LRRC4C: variants seen among roughly 807,000 people sequenced by gnomAD.
LRRC4C encodes leucine rich repeat containing 4C.
LRRC4C carries 5 observed loss-of-function variants against 33.6 expected under a neutral mutation model. The observed-to-expected ratio is 0.15, with a 90% CI of 0.08 to 0.31. The LOEUF is 0.31. LRRC4C is among the 10% of genes least tolerant of loss of function. The probability of loss-of-function intolerance (pLI) is 1.00; values close to 1 mark genes in which losing one functional copy is unlikely to be tolerated. For missense variants in LRRC4C, 560 were observed against 796.7 expected, an observed-to-expected ratio of 0.70 and a Z score of 3.58; for synonymous variants, 329 against 302.0, an observed-to-expected ratio of 1.09 and a Z score of -0.93.
intron 3 of LRRC4C, among the ~76,000 whole-genome samples, chr11:40,466,575 AT>A (rs1165404264): frequency 1.3e-5 from 2 of 151,740 alleles, no homozygotes; most frequent in African/African-American, 4.8e-5. Flanking sequence ...TCTTATAGGA[AT>A]TTTTTTGTAT....
intron 2 of LRRC4C, among the ~76,000 whole-genome samples, chr11:40,888,821 C>T (rs1955575478): frequency 2.0e-5 from 3 of 151,936 alleles, no homozygotes; most frequent in Admixed American, 2.0e-4. Flanking sequence ...GAGGTAAATG[C>T]TTATGAAGTA....
chr11:41,223,893 C>T (rs1445583985), intron 1 of LRRC4C, among the ~76,000 whole-genome samples: 1 of 152,122 alleles, frequency 6.6e-6, no homozygotes, highest in Non-Finnish European at 1.5e-5. Context: ...TTAATCATGC[C>T]AGGGGAAGAG....
chr11:40,708,718 T>C (rs984021206), intron 2 of LRRC4C, among the ~76,000 whole-genome samples: 24 of 152,168 alleles, frequency 1.6e-4, no homozygotes, highest in Admixed American at 1.6e-3. Flanking sequence ...TAGATGTCTA[T>C]TAGGTCTGCT....
At chr11:40,557,422 A>G (rs1327110750) in intron 3 of LRRC4C, among the ~76,000 whole-genome samples, 1 of 152,210 alleles carries the variant, frequency 6.6e-6, no homozygotes, top group Non-Finnish European at 1.5e-5. Context: ...TGTATTAAGC[A>G]CACCAACACA....
At chr11:40,536,553 G>T (rs1055161365) in intron 3 of LRRC4C, among the ~76,000 whole-genome samples, 1 of 152,114 alleles carries the variant, frequency 6.6e-6, no homozygotes, top group Non-Finnish European at 1.5e-5. Flanking sequence ...ATCTGAGAAC[G>T]TCTATCCAAT....
At chr11:40,535,582 T>C (rs533607396) in intron 3 of LRRC4C, among the ~76,000 whole-genome samples, 2 of 152,376 alleles carry the variant, frequency 1.3e-5, no homozygotes, top group East Asian at 1.9e-4. Context: ...ACAAAGTTAT[T>C]TGAAAAGATT....
chr11:41,015,477 C>CA (rs1199750277), intron 1 of LRRC4C, among the ~76,000 whole-genome samples: 1 of 152,070 alleles, frequency 6.6e-6, no homozygotes, highest in Admixed American at 6.6e-5. Context: ...TATAGGCACA[C>CA]ACCAGTCTGT....
chr11:41,212,896 A>G (rs911914889), intron 1 of LRRC4C, among the ~76,000 whole-genome samples: 2 of 152,186 alleles, frequency 1.3e-5, no homozygotes, highest in South Asian at 2.1e-4. Flanking sequence ...TACCTAACAC[A>G]TTGAAACACA....
intron 2 of LRRC4C, among the ~76,000 whole-genome samples, chr11:40,903,278 A>G (rs545474537): frequency 6.6e-6 from 1 of 152,214 alleles, no homozygotes; most frequent in Non-Finnish European, 1.5e-5. Flanking sequence ...ACAGTTTTTA[A>G]GCCCAATGTT....
At chr11:41,181,189 C>T (rs1315434063) in intron 1 of LRRC4C, among the ~76,000 whole-genome samples, 6 of 152,192 alleles carry the variant, frequency 3.9e-5, no homozygotes, top group African/African-American at 1.2e-4. Flanking sequence ...TTTCTTATTG[C>T]CCTTACTGTG....
chr11:40,115,212 C>G lies in LRRC4C; in HGVS notation c.1081G>C (p.Ala361Pro), dbSNP rs750204172. 5.6e-6 allele frequency: 9 copies of G among 1,614,168 alleles called. No homozygotes were observed. The South Asian group carries it at 8.8e-5, about 16-fold the overall frequency. The change falls in exon 7 of 7, where the codon GCA (alanine) becomes CCA (proline). Residue 361 changes from alanine (A) to proline (P), a missense_variant. Transcript: ENST00000528697. This position sits in a 1 kb window ranked among gnomAD's most constrained non-coding sequence, Gnocchi z 6.7. ...ATGCCTTCAGTGACATTGAGGTCTGCAGGGGGCTCCACAATCACCGGAGCA... is the reference window on the plus strand; with the variant it reads ...ATGCCTTCAGTGACATTGAGGTCTGGAGGGGGCTCCACAATCACCGGAGCA... The part of the protein sequence containing the change: ...CYAPVIVEPP[A>P]DLNVTEGMAA...
At chr11:40,733,816 G>A (rs1212828305) in intron 2 of LRRC4C, among the ~76,000 whole-genome samples, 2 of 152,074 alleles carry the variant, frequency 1.3e-5, no homozygotes, top group African/African-American at 2.4e-5. Flanking sequence ...GTGACCCTAA[G>A]ACCCGAAAAT....
intron 4 of LRRC4C, among the ~76,000 whole-genome samples, chr11:40,304,581 G>A (rs929039651): frequency 6.6e-6 from 1 of 152,090 alleles, no homozygotes; most frequent in African/African-American, 2.4e-5. Flanking sequence ...TACCTCAGAA[G>A]CTACCCTTTT....
rs1047728030 is a variant in LRRC4C, at chr11:40,633,194, T to C, written c.-270+14948A>G. 3.3e-5 allele frequency among the ~76,000 whole-genome samples: 5 copies of C among 152,116 alleles called. No homozygotes were observed. In the South Asian group the frequency reaches 6.2e-4, roughly 19 times the overall value. On this transcript the variant is annotated intron_variant, in intron 3 of 6. Coordinates refer to ENST00000528697, the MANE Select transcript of LRRC4C (RefSeq NM_001258419.2). ...AGTTCAAAGAGAGAAGTCATCTTTG[T>C]TCACAGAATGTGAAGAAATAGAAAT... is the stretch of plus-strand genomic sequence containing the variant.
At chr11:40,424,030 CA>C (rs1950623491) in intron 3 of LRRC4C, among the ~76,000 whole-genome samples, 1 of 151,658 alleles carries the variant, frequency 6.6e-6, no homozygotes, top group Non-Finnish European at 1.5e-5. Context: ...AAACATTTAC[CA>C]GGGGGATAAA....
intron 1 of LRRC4C, among the ~76,000 whole-genome samples, chr11:41,447,585 G>GAAGAACAACTTAGTAGGT (rs1185468468): frequency 1.3e-5 from 2 of 152,150 alleles, no homozygotes; most frequent in African/African-American, 4.8e-5. Flanking sequence ...GAGAATATGT[G>GAAGAACAACTTAGTAGGT]AAGAACAACT....
At chr11:41,146,531 A>C (rs1943734623) in intron 1 of LRRC4C, among the ~76,000 whole-genome samples, 1 of 152,236 alleles carries the variant, frequency 6.6e-6, no homozygotes. Context: ...GAAAAGCAAA[A>C]GTAGGATGCA....
At chr11:41,353,891 C>A (rs894683789) in intron 1 of LRRC4C, among the ~76,000 whole-genome samples, 2 of 152,144 alleles carry the variant, frequency 1.3e-5, no homozygotes, top group South Asian at 4.1e-4. Context: ...ATAATAACAG[C>A]CATCTATCTC....
intron 1 of LRRC4C, among the ~76,000 whole-genome samples, chr11:41,068,808 C>A (rs1350059661): frequency 6.6e-6 from 1 of 152,062 alleles, no homozygotes; most frequent in Non-Finnish European, 1.5e-5. Context: ...TGCCCAGAAC[C>A]AGATGGATTA....
Sources: gnomAD v4.1 joint callset for allele counts (sites outside exome capture counted in the v4.1 genomes callset) on GRCh38, gnomAD v4.1.1 for gene constraint, Gnocchi (gnomAD v3.1) non-coding constraint, MANE v1.5 for transcripts, NCBI Gene and HGNC (gene_info 2026-07-23, HGNC 2026-07-21) for gene names.